TMEM130: variants seen among roughly 807,000 people sequenced by gnomAD.
The protein encoded by TMEM130 is transmembrane protein 130.
In TMEM130, 37 loss-of-function variants were observed where a neutral mutation model predicts 42.9. The observed-to-expected ratio is 0.86, with a 90% CI of 0.66 to 1.13. The LOEUF is 1.13. TMEM130 is among the 50% of genes most tolerant of loss of function. The pLI, the probability that TMEM130 is intolerant of heterozygous loss-of-function variation, is 0.00. For synonymous variants in TMEM130, 259 were observed against 237.7 expected, an observed-to-expected ratio of 1.09 and a Z score of -0.82; for missense variants, 545 against 562.6, an observed-to-expected ratio of 0.97 and a Z score of 0.32.
intron 1 of TMEM130, chr7:98,867,053 C>G (rs1005949389): frequency 6.6e-6 from 1 of 152,070 alleles, no homozygotes; most frequent in African/African-American, 2.4e-5. Context: ...GCTATGATGG[C>G]GCCCCTGCCC....
intron 3 of TMEM130, 32 bp downstream of exon 3, chr7:98,860,147 G>A: frequency 6.2e-7 from 1 of 1,602,274 alleles, no homozygotes; most frequent in South Asian, 1.1e-5. Flanking sequence ...ACCAGTGACA[G>A]CTGTAGGGCC....
intron 2 of TMEM130, among the ~76,000 whole-genome samples, chr7:98,862,274 CAGAGACAAAGAGACAGAGACAGAA>C (rs1400841146): frequency 1.4e-5 from 2 of 143,226 alleles, no homozygotes; most frequent in East Asian, 2.1e-4. Flanking sequence ...GATAAAGAGA[CAGAGACAAAGAGACAGAGACAGAA>C]AGAGACAAAG....
chr7:98,852,034 G>A (rs1373298782), intron 5 of TMEM130, among the ~76,000 whole-genome samples: 1 of 152,104 alleles, frequency 6.6e-6, no homozygotes, highest in East Asian at 1.9e-4. Context: ...GCAGCCTCCA[G>A]CTCCTGAGCT....
At chr7:98,853,370 G>A (rs1794554873) in intron 5 of TMEM130, among the ~76,000 whole-genome samples, 1 of 152,178 alleles carries the variant, frequency 6.6e-6, no homozygotes, top group East Asian at 1.9e-4. Flanking sequence ...GCTCACGCCT[G>A]TAATACCAGC....
chr7:98,863,692 TTC>T (rs1426782331), intron 1 of TMEM130, among the ~76,000 whole-genome samples: 44 of 143,864 alleles, frequency 3.1e-4, no homozygotes, highest in African/African-American at 1.0e-3. Context: ...CCTTCCCTGC[TTC>T]TCTTTCTTTT....
At chr7:98,853,151 G>T (rs1235837336) in intron 5 of TMEM130, among the ~76,000 whole-genome samples, 2 of 152,076 alleles carry the variant, frequency 1.3e-5, no homozygotes, top group Non-Finnish European at 2.9e-5. Flanking sequence ...CAAATATCAG[G>T]GCTGCTAAAC....
rs570754878 is a variant in TMEM130, at chr7:98,869,152, G to T, written c.85+625C>A. On this transcript the variant is annotated intron_variant, in intron 1 of 7. Transcript: ENST00000339375. This position sits in a 1 kb window ranked among gnomAD's most constrained non-coding sequence, Gnocchi z 4.7. Reference sequence around the variant, plus strand: ...CTGGCTTTCTGGCGGTGGGGAAGTGGGGGCAGTAGACACACAACCCTGCTT... The same window carrying T: ...CTGGCTTTCTGGCGGTGGGGAAGTGTGGGCAGTAGACACACAACCCTGCTT... 149 of 1,260,234 alleles carry T rather than the reference G, an allele frequency of 1.2e-4. No individual in the cohort carries two copies. Among genetic ancestry groups the T allele is most frequent in the Admixed American group, 1.9e-4 (7 of 37,466 alleles). The allele number at this position is 1,260,234 out of a possible 1,614,324, so 78.1% of individuals were successfully genotyped here.
chr7:98,857,766 C>A (rs1653875206), intron 3 of TMEM130, among the ~76,000 whole-genome samples: 1 of 149,644 alleles, frequency 6.7e-6, no homozygotes, highest in Non-Finnish European at 1.5e-5. Context: ...ATTCTGTCAC[C>A]CAGGCTGAAG....
At position 98,864,515 on chromosome 7, in the gene TMEM130, C is replaced by T. The variant is rs114377963; in HGVS notation, c.86-1115G>A. ...TACAGGCATGAGCCAGCGTCCTCAA[C>T]CACATTGTCCAAAGATCTACTGGAC... On this transcript the variant is annotated intron_variant, in intron 1 of 7. Transcript: ENST00000339375. 6.0e-3 allele frequency among the ~76,000 whole-genome samples: 914 copies of T among 151,148 alleles called. 7 individuals are homozygous for T. Among genetic ancestry groups the T allele is most frequent in the African/African-American group, 0.021 (876 of 41,238 alleles).
chr7:98,867,645 G>T (rs888736531), intron 1 of TMEM130, among the ~76,000 whole-genome samples: 7 of 152,312 alleles, frequency 4.6e-5, no homozygotes, highest in African/African-American at 1.4e-4. Context: ...GGGACTGGGA[G>T]GGGGGATGGG....
intron 7 of TMEM130, 130 bp downstream of exon 7, chr7:98,848,453 C>G (rs1794413080): frequency 5.0e-6 from 4 of 793,586 alleles, no homozygotes; most frequent in Non-Finnish European, 8.4e-6. Flanking sequence ...GGCACATCAC[C>G]CCAAGTCCCG....
At chr7:98,867,114 A>G (rs1554400736) in intron 1 of TMEM130, among the ~76,000 whole-genome samples, 1 of 152,078 alleles carries the variant, frequency 6.6e-6, no homozygotes, top group African/African-American at 2.4e-5. Flanking sequence ...ATAAATAAAT[A>G]AAAATCAAGT....
Position 98,851,256 on chromosome 7 carries a change from C to T in TMEM130, c.1006+165G>A, listed in dbSNP as rs1028683969. Reference sequence around the variant, plus strand: ...GGCAGTTGGCCAGCGCTGATGTTGGCGGTCACTGGAGTCAGTGGGGTTATG... The same window carrying T: ...GGCAGTTGGCCAGCGCTGATGTTGGTGGTCACTGGAGTCAGTGGGGTTATG... On this transcript the variant is annotated intron_variant, in intron 6 of 7. Coordinates refer to ENST00000339375, the MANE Select transcript of TMEM130 (RefSeq NM_152913.3). Among the ~76,000 whole-genome samples the T allele has an allele frequency of 9.9e-5, 15 of 152,092 alleles. 1 individual carries two copies. Among genetic ancestry groups the T allele is most frequent in the Admixed American group, 7.9e-4 (12 of 15,264 alleles).
Position 98,859,160 on chromosome 7 carries a change from G to A in TMEM130, c.551+1019C>T, listed in dbSNP as rs1794699878. Among the ~76,000 whole-genome samples, 5 of 152,098 alleles carry A rather than the reference G, an allele frequency of 3.3e-5. No homozygotes were observed. The South Asian group carries it at 1.0e-3, about 32-fold the overall frequency. On this transcript the variant is annotated intron_variant, in intron 3 of 7. Transcript: ENST00000339375. Reference sequence around the variant, plus strand: ...GAGGAAGGGAGTAGGGCCAAGCATGGTGGCTCCCACTTGTAACCCCAGCAC... The same window carrying A: ...GAGGAAGGGAGTAGGGCCAAGCATGATGGCTCCCACTTGTAACCCCAGCAC...
At chr7:98,850,273 A>ATATATATATATATTTTTT in intron 6 of TMEM130, among the ~76,000 whole-genome samples, 2 of 35,456 alleles carry the variant, frequency 5.6e-5, no homozygotes, top group African/African-American at 7.6e-5. Flanking sequence ...ATATATATAT[A>ATATATATATATATTTTTT]TTTTTTTTTT....
chr7:98,850,307 C>T (rs1305970560), intron 6 of TMEM130, among the ~76,000 whole-genome samples: 2 of 86,228 alleles, frequency 2.3e-5, no homozygotes, highest in Non-Finnish European at 5.5e-5. Flanking sequence ...GAGACAAGAG[C>T]CTCTCTGTGG....
In TMEM130 at chr7:98,848,161, A is replaced by G; in HGVS notation, c.1167T>C (p.Cys389=). The G allele has an allele frequency of 1.2e-6, 2 of 1,614,136 alleles. No homozygotes were observed. The highest frequency in any genetic ancestry group is 2.2e-5 in the South Asian group (2 of 91,084). The change falls in exon 8 of 8, where the codon TGT becomes TGC. Residue 389 remains cysteine (C), a synonymous_variant. Coordinates refer to ENST00000339375, the MANE Select transcript of TMEM130 (RefSeq NM_152913.3). ...SGVRCCCQMC[C]GPFLLETPSE... The stretch of plus-strand genomic sequence containing the variant: ...ATGGAGTCTCCAGCAAGAAAGGCCC[A>G]CAGCACATCTGGCAGCAGCACCTGA...
chr7:98,853,715 C>G (rs1042850227), intron 5 of TMEM130, among the ~76,000 whole-genome samples: 8 of 152,248 alleles, frequency 5.3e-5, no homozygotes, highest in Admixed American at 3.3e-4. Flanking sequence ...GAGGGGCATC[C>G]TCATGGACAG....
rs1483743196 is a variant in TMEM130, at chr7:98,869,432, C to G, written c.85+345G>C. On this transcript the variant is annotated intron_variant, in intron 1 of 7. Transcript: ENST00000339375. This position sits in a 1 kb window ranked among gnomAD's most constrained non-coding sequence, Gnocchi z 4.7. ...GACGGACCCTGGCGCATCCCCGCCT[C>G]CCTGCCTCGTCCTCCCCTCCCTTAG... 8.2e-7 allele frequency: 1 copy of G among 1,219,324 alleles called. No homozygotes were observed. The highest frequency in any genetic ancestry group is 1.6e-5 in the African/African-American group (1 of 62,644). 75.5% of individuals were successfully genotyped at this position (1,219,324 alleles called of 1,614,324 possible).
Sources: gnomAD v4.1 joint callset for allele counts (sites outside exome capture counted in the v4.1 genomes callset) on GRCh38, gnomAD v4.1.1 for gene constraint, Gnocchi (gnomAD v3.1) non-coding constraint, MANE v1.5 for transcripts, NCBI Gene and HGNC (gene_info 2026-07-23, HGNC 2026-07-21) for gene names.